The following FMN2 variants were observed in gnomAD, a reference collection of about 807,000 sequenced individuals.
FMN2 encodes formin-2.
FMN2 carries 51 observed loss-of-function variants against 142.3 expected under a neutral mutation model. The ratio of observed to expected loss-of-function variants is 0.36; its 90% confidence interval spans 0.29 to 0.45. FMN2 has a LOEUF of 0.45. Ranked by LOEUF, FMN2 falls within the 20% of genes least tolerant of loss-of-function variation. The pLI is 1.00. For missense variants in FMN2, 1,936 were observed against 2,122.8 expected (o/e 0.91, Z 1.73); for synonymous variants, 882 against 869.8 (o/e 1.01, Z -0.25).
At chr1:240,133,011 G>A (rs1289319702) in intron 2 of FMN2, among the ~76,000 whole-genome samples, 1 of 152,154 alleles carries the variant, frequency 6.6e-6, no homozygotes, top group Non-Finnish European at 1.5e-5. Context: ...AGGGAGAGGG[G>A]TGCAACTAGC....
At chr1:240,325,022 C>T (rs1277848434) in intron 8 of FMN2, among the ~76,000 whole-genome samples, 1 of 152,066 alleles carries the variant, frequency 6.6e-6, no homozygotes, top group African/African-American at 2.4e-5. Context: ...CATCTTTGTG[C>T]ATGTCAATCA....
At chr1:240,393,268 C>CT (rs1183334578) in intron 15 of FMN2, among the ~76,000 whole-genome samples, 1 of 152,022 alleles carries the variant, frequency 6.6e-6, no homozygotes, top group Non-Finnish European at 1.5e-5. Flanking sequence ...CCTCATGTCT[C>CT]TGTGTTACAT....
At chr1:240,120,744 A>G (rs1315600237) in intron 1 of FMN2, among the ~76,000 whole-genome samples, 1 of 152,226 alleles carries the variant, frequency 6.6e-6, no homozygotes, top group Non-Finnish European at 1.5e-5. Flanking sequence ...TCTAAATTTG[A>G]AGAAAGAATC....
chr1:240,131,434 C>G (rs1294338824), intron 2 of FMN2, among the ~76,000 whole-genome samples: 1 of 151,904 alleles, frequency 6.6e-6, no homozygotes. Context: ...AGGTCGGGTG[C>G]GGTGGCTCAC....
chr1:240,428,924 T>C (rs1675046163), intron 15 of FMN2, among the ~76,000 whole-genome samples: 1 of 152,238 alleles, frequency 6.6e-6, no homozygotes, highest in Non-Finnish European at 1.5e-5. Flanking sequence ...TACAGGAGGC[T>C]TTTATAATAC....
At chr1:240,432,113 G>A (rs964527910) in intron 15 of FMN2, among the ~76,000 whole-genome samples, 1 of 151,852 alleles carries the variant, frequency 6.6e-6, no homozygotes, top group Non-Finnish European at 1.5e-5. Flanking sequence ...ATTATTTGGA[G>A]TGTGGAGATA....
intron 7 of FMN2, among the ~76,000 whole-genome samples, chr1:240,279,642 A>G (rs1038465044): frequency 1.3e-5 from 2 of 152,292 alleles, no homozygotes; most frequent in East Asian, 1.9e-4. Flanking sequence ...TTTGAAAAGT[A>G]TTTATTTTAC....
intron 14 of FMN2, among the ~76,000 whole-genome samples, chr1:240,390,357 C>T (rs1572259215): frequency 6.6e-6 from 1 of 152,110 alleles, no homozygotes; most frequent in Non-Finnish European, 1.5e-5. Flanking sequence ...TTTGTTCCCT[C>T]GATAAGAATC....
At chr1:240,259,821 T>C (rs1668569240) in intron 7 of FMN2, among the ~76,000 whole-genome samples, 1 of 152,192 alleles carries the variant, frequency 6.6e-6, no homozygotes, top group Non-Finnish European at 1.5e-5. Flanking sequence ...AGTTCTTTAG[T>C]GGTGATCTGA....
chr1:240,437,318 G>C (rs973432694), intron 15 of FMN2, among the ~76,000 whole-genome samples: 4 of 141,070 alleles, frequency 2.8e-5, no homozygotes, highest in Non-Finnish European at 4.5e-5. Context: ...TTTTGAGACG[G>C]AGTCTGGCTC....
chr1:240,325,788 C>T (rs1250866066), intron 8 of FMN2, among the ~76,000 whole-genome samples: 2 of 152,256 alleles, frequency 1.3e-5, no homozygotes, highest in Admixed American at 6.5e-5. Context: ...TCTAAGAGGG[C>T]CCCAAGCACA....
chr1:240,204,730 G>A (rs1246647880), intron 4 of FMN2, among the ~76,000 whole-genome samples: 2 of 152,006 alleles, frequency 1.3e-5, no homozygotes, highest in African/African-American at 2.4e-5. Flanking sequence ...CAGCCTGGGC[G>A]ACAAGAGCGA....
At chr1:240,468,799 C>T (rs751492245) in intron 16 of FMN2, among the ~76,000 whole-genome samples, 9 of 152,048 alleles carry the variant, frequency 5.9e-5, no homozygotes, top group Non-Finnish European at 1.0e-4. Context: ...AATCTGCCAC[C>T]GTAAACCAAA....
At chr1:240,209,354 C>T (rs749233778) in intron 5 of FMN2, among the ~76,000 whole-genome samples, 93 of 151,600 alleles carry the variant, frequency 6.1e-4, no homozygotes, top group South Asian at 1.0e-3. Context: ...GGGTTCACCC[C>T]ATTCTCCTGC....
intron 4 of FMN2, among the ~76,000 whole-genome samples, chr1:240,199,378 T>C (rs1666045418): frequency 6.6e-6 from 1 of 152,174 alleles, no homozygotes; most frequent in Non-Finnish European, 1.5e-5. Context: ...ATAATAAACA[T>C]AATAAAGTTT....
intron 15 of FMN2, among the ~76,000 whole-genome samples, chr1:240,421,387 G>A (rs1416700284): frequency 2.0e-5 from 3 of 151,898 alleles, no homozygotes; most frequent in Non-Finnish European, 4.4e-5. Context: ...AATATAACAC[G>A]TTCAAATTAC....
chr1:240,414,839 T>A (rs1275480892), intron 15 of FMN2, among the ~76,000 whole-genome samples: 2 of 152,216 alleles, frequency 1.3e-5, no homozygotes, highest in African/African-American at 2.4e-5. Context: ...GAGTTTTATA[T>A]CTAGAAGTGG....
At chr1:240,117,845 C>T (rs369336367) in intron 1 of FMN2, among the ~76,000 whole-genome samples, 21 of 152,274 alleles carry the variant, frequency 1.4e-4, no homozygotes, top group African/African-American at 4.3e-4. Flanking sequence ...ATGGAGTTTA[C>T]GCTCCAGGAG....
At chr1:240,238,985 G>C (rs1667800794) in intron 6 of FMN2, among the ~76,000 whole-genome samples, 1 of 143,438 alleles carries the variant, frequency 7.0e-6, no homozygotes, top group Non-Finnish European at 1.5e-5. Context: ...ATTGAAGGAG[G>C]TATAAATGGA....
Sources: gnomAD v4.1 joint callset for allele counts (sites outside exome capture counted in the v4.1 genomes callset) on GRCh38, gnomAD v4.1.1 for gene constraint, MANE v1.5 for transcripts, NCBI Gene and HGNC (gene_info 2026-07-23, HGNC 2026-07-21) for gene names.